Variants in S100A8 observed in about 807,000 individuals in gnomAD.
S100A8 encodes protein S100-A8.
S100A8 carries 1 observed loss-of-function variant against 4.2 expected under a neutral mutation model. The ratio of observed to expected loss-of-function variants is 0.24; its 90% CI spans 0.08 to 1.12. The LOEUF (loss-of-function observed/expected upper bound fraction) is 1.12, where lower values mean the gene tolerates loss of function less well. Among genes scored for constraint, S100A8 ranks in the 50% most tolerant of loss-of-function variants. The probability of loss-of-function intolerance (pLI) is 0.53; values close to 1 mark genes in which losing one functional copy is unlikely to be tolerated. For synonymous variants in S100A8, 41 were observed against 44.7 expected (o/e 0.92, Z 0.33); for missense variants, 96 against 111.8 (o/e 0.86, Z 0.64).
the S100A8 span, among the ~76,000 whole-genome samples, chr1:153,414,043 G>A: frequency 2.0e-5 from 3 of 151,730 alleles, no homozygotes; most frequent in Non-Finnish European, 4.4e-5. Flanking sequence ...TAATATTGTT[G>A]TCCCTGATTC....
At chr1:153,417,757 G>T in the S100A8 span, among the ~76,000 whole-genome samples, 1 of 152,206 alleles carries the variant, frequency 6.6e-6, no homozygotes, top group Non-Finnish European at 1.5e-5. Flanking sequence ...GGGGGTCCCA[G>T]CTTAGTTCTT....
chr1:153,403,001 C>G, the S100A8 span, among the ~76,000 whole-genome samples: 1 of 152,212 alleles, frequency 6.6e-6, no homozygotes, highest in Non-Finnish European at 1.5e-5. Context: ...AGTGGCACTG[C>G]TGAGCACAAG....
At chr1:153,409,089 C>T in the S100A8 span, among the ~76,000 whole-genome samples, 1 of 152,130 alleles carries the variant, frequency 6.6e-6, no homozygotes, top group African/African-American at 2.4e-5. Context: ...AAATAACCAG[C>T]TAACATCATA....
At chr1:153,419,059 T>A in the S100A8 span, 1 of 1,422,634 alleles carries the variant, frequency 7.0e-7, no homozygotes, top group South Asian at 1.3e-5. Context: ...GGTACTTGTC[T>A]GTATCTCTGC....
At chr1:153,421,792 T>C in the S100A8 span, 2 of 152,238 alleles carry the variant, frequency 1.3e-5, no homozygotes, top group Admixed American at 1.3e-4. Context: ...CTGCCCTCCC[T>C]TTATTTTTCC....
the S100A8 span, among the ~76,000 whole-genome samples, chr1:153,400,211 T>C: frequency 8.5e-3 from 1,296 of 152,258 alleles, 13 homozygotes; most frequent in Non-Finnish European, 0.012. Flanking sequence ...AGTTGGGTGA[T>C]GGACGGGAGG....
chr1:153,418,523 A>T, the S100A8 span, among the ~76,000 whole-genome samples: 1 of 152,024 alleles, frequency 6.6e-6, no homozygotes, highest in Non-Finnish European at 1.5e-5. Flanking sequence ...TGAGACTGAA[A>T]CTCACATGCT....
the S100A8 span, among the ~76,000 whole-genome samples, chr1:153,408,271 G>C: frequency 6.6e-6 from 1 of 152,312 alleles, no homozygotes; most frequent in Non-Finnish European, 1.5e-5. Flanking sequence ...ACAGCATAGA[G>C]AAGACCTTAA....
chr1:153,419,226 T>G, the S100A8 span: 1 of 1,614,178 alleles, frequency 6.2e-7, no homozygotes, highest in South Asian at 1.1e-5. Flanking sequence ...TTTTTCTGAG[T>G]TTCTGTCCTT....
the S100A8 span, chr1:153,418,148 A>G: frequency 6.2e-7 from 1 of 1,614,094 alleles, no homozygotes. Context: ...AATACACCGG[A>G]CGTGATGGCA....
chr1:153,392,835 G>A (rs1662133063), upstream of S100A8, among the ~76,000 whole-genome samples: 1 of 152,116 alleles, frequency 6.6e-6, no homozygotes, highest in Admixed American at 6.5e-5. Context: ...AGCTCTCTCT[G>A]GATGTGAGCC....
the S100A8 span, chr1:153,421,477 T>C: frequency 3.9e-5 from 6 of 152,246 alleles, no homozygotes; most frequent in South Asian, 2.1e-4. Flanking sequence ...AAGTACTCTA[T>C]ATCATTTTTC....
upstream of S100A8, among the ~76,000 whole-genome samples, chr1:153,395,452 CCT>C (rs1030163309): frequency 8.0e-4 from 122 of 152,300 alleles, no homozygotes; most frequent in African/African-American, 2.3e-3. Context: ...TCCTCCTCTC[CCT>C]CAGTCTGCGC....
chr1:153,418,124 C>T, the S100A8 span: 11 of 1,614,062 alleles, frequency 6.8e-6, 1 homozygote, highest in South Asian at 6.6e-5. Flanking sequence ...TAGGCATGAT[C>T]GACATGTTTC....
At chr1:153,405,083 T>A in the S100A8 span, among the ~76,000 whole-genome samples, 1 of 146,352 alleles carries the variant, frequency 6.8e-6, no homozygotes. Flanking sequence ...CTTCCTGGAG[T>A]CCCCCCCACC....
At chr1:153,390,644 ATGGC>A in intron 1 of S100A8, 87 bp from the exon 2 acceptor site, 1 of 1,523,602 alleles carries the variant, frequency 6.6e-7, no homozygotes, top group Non-Finnish European at 8.9e-7. Flanking sequence ...GCCCCAAGCG[ATGGC>A]CTTGTCCTGG....
At chr1:153,417,986 C>A in the S100A8 span, 2 of 1,550,670 alleles carry the variant, frequency 1.3e-6, no homozygotes, top group Non-Finnish European at 1.8e-6. Context: ...TTACTCTGTC[C>A]TCAGCCCTCC....
the S100A8 span, among the ~76,000 whole-genome samples, chr1:153,409,725 G>T: frequency 6.6e-6 from 1 of 152,128 alleles, no homozygotes. Flanking sequence ...CCACATAGTT[G>T]CAAGTAAAGC....
At chr1:153,416,945 C>A in the S100A8 span, among the ~76,000 whole-genome samples, 42 of 152,350 alleles carry the variant, frequency 2.8e-4, no homozygotes, top group African/African-American at 1.0e-3. Context: ...GGATAAGGAT[C>A]CCCTGTGAAT....
Sources: gnomAD v4.1 joint callset for allele counts (sites outside exome capture counted in the v4.1 genomes callset) on GRCh38, gnomAD v4.1.1 for gene constraint, MANE v1.5 for transcripts, NCBI Gene and HGNC (gene_info 2026-07-23, HGNC 2026-07-21) for gene names.